Variants in RAB43 observed in about 807,000 individuals in gnomAD.
RAB43 encodes RAB43, member RAS oncogene family.
In RAB43, 6 loss-of-function variants were observed where a neutral mutation model predicts 18.8. That is an observed-to-expected ratio of 0.32 (90% CI 0.17 to 0.63). The LOEUF is 0.63. Among genes scored for constraint, RAB43 ranks in the 30% least tolerant of loss-of-function variants. The pLI, the probability that RAB43 is intolerant of heterozygous loss-of-function variation, is 0.79. For missense variants in RAB43, 195 were observed against 289.1 expected, an observed-to-expected ratio of 0.67 and a Z score of 2.36; for synonymous variants, 103 against 124.1, an observed-to-expected ratio of 0.83 and a Z score of 1.13.
At chr3:129,115,680 G>A (rs1935478584) in intron 1 of RAB43, among the ~76,000 whole-genome samples, 1 of 152,002 alleles carries the variant, frequency 6.6e-6, no homozygotes, top group Non-Finnish European at 1.5e-5. Context: ...AATTAGCTGG[G>A]TGTGGTAGTG....
intron 1 of RAB43, among the ~76,000 whole-genome samples, chr3:129,118,647 G>A (rs151222270): frequency 2.5e-3 from 388 of 152,292 alleles, no homozygotes; most frequent in African/African-American, 9.1e-3. Flanking sequence ...GATGCTTGCT[G>A]GACAAGCATC....
rs1935946791 is a variant in RAB43 at position 129,121,700 on chromosome 3, C to T, written c.-211G>A. ...GGCTCCCGCCCCGGCCCGGCTCGGC[C>T]CCGCCCGGACCCGGTGCCCCGCGGG... On this transcript the variant is annotated 5_prime_UTR_variant, in exon 1 of 3. Coordinates refer to ENST00000315150, the MANE Select transcript of RAB43 (RefSeq NM_198490.3). 1 of 330,188 alleles carries T rather than the reference C, an allele frequency of 3.0e-6. No homozygotes were observed. Among genetic ancestry groups the T allele is most frequent in the East Asian group, 4.9e-5 (1 of 20,206 alleles). The allele number at this position is 330,188 out of a possible 1,614,324, so 20.5% of individuals were successfully genotyped here.
At chr3:129,114,992 T>TCTC (rs1935429242) in intron 1 of RAB43, among the ~76,000 whole-genome samples, 1 of 149,680 alleles carries the variant, frequency 6.7e-6, no homozygotes, top group Non-Finnish European at 1.5e-5. Flanking sequence ...CGCAATCCAC[T>TCTC]CTCTCTCATC....
intron 1 of RAB43, among the ~76,000 whole-genome samples, chr3:129,110,700 T>G (rs1935108947): frequency 6.6e-6 from 1 of 152,120 alleles, no homozygotes; most frequent in Admixed American, 6.5e-5. Flanking sequence ...TGGTGGGGAT[T>G]GAGAAGTGAG....
chr3:129,110,043 T>C (rs1266938948), intron 1 of RAB43, among the ~76,000 whole-genome samples: 2 of 151,924 alleles, frequency 1.3e-5, no homozygotes, highest in Non-Finnish European at 2.9e-5. Flanking sequence ...TTTTTTATTT[T>C]TTGCAGAGAC....
intron 1 of RAB43, among the ~76,000 whole-genome samples, chr3:129,104,640 CT>C (rs1934636700): frequency 6.6e-6 from 1 of 152,242 alleles, no homozygotes; most frequent in Non-Finnish European, 1.5e-5. Flanking sequence ...TCAGGCCCTT[CT>C]TTCACCTTGG....
intron 1 of RAB43, among the ~76,000 whole-genome samples, chr3:129,099,492 T>C (rs1322023715): frequency 6.6e-6 from 1 of 152,206 alleles, no homozygotes; most frequent in Non-Finnish European, 1.5e-5. Context: ...GTTCAAGTGA[T>C]TCTCCTGCCT....
intron 1 of RAB43, among the ~76,000 whole-genome samples, chr3:129,118,515 T>C (rs575812765): frequency 1.4e-3 from 206 of 152,094 alleles, no homozygotes; most frequent in Non-Finnish European, 2.3e-3. Context: ...TACCTTTCAG[T>C]ACCTCCAAGC....
intron 1 of RAB43, among the ~76,000 whole-genome samples, chr3:129,103,420 C>T (rs1236562390): frequency 6.6e-6 from 1 of 152,216 alleles, no homozygotes; most frequent in African/African-American, 2.4e-5. Context: ...CCTTAGGTGG[C>T]AACCCCAGGA....
intron 1 of RAB43, among the ~76,000 whole-genome samples, chr3:129,108,555 G>A (rs182090368): frequency 8.5e-4 from 129 of 152,272 alleles, no homozygotes; most frequent in Non-Finnish European, 1.5e-3. Flanking sequence ...GGTACCTAAG[G>A]AATCAATGAA....
At chr3:129,092,911 G>A (rs1249870246) in intron 2 of RAB43, among the ~76,000 whole-genome samples, 2 of 151,432 alleles carry the variant, frequency 1.3e-5, no homozygotes, top group African/African-American at 4.9e-5. Context: ...AGCCGAGATC[G>A]CGCCACTGCA....
upstream of RAB43, chr3:129,122,097 G>A (rs559016227): frequency 4.3e-4 from 56 of 130,322 alleles, 1 homozygote; most frequent in East Asian, 7.0e-3. Flanking sequence ...TCCGTCCCCA[G>A]CTCCGACCTC....
At chr3:129,115,546 G>A (rs186787394) in intron 1 of RAB43, among the ~76,000 whole-genome samples, 79 of 152,064 alleles carry the variant, frequency 5.2e-4, no homozygotes, top group African/African-American at 1.7e-3. Flanking sequence ...TAGGCCAGGC[G>A]CGGTGGCTCA....
chr3:129,112,358 T>C (rs1935229528), intron 1 of RAB43, among the ~76,000 whole-genome samples: 1 of 152,068 alleles, frequency 6.6e-6, no homozygotes, highest in Non-Finnish European at 1.5e-5. Context: ...AAATATCCAA[T>C]TTTTATACTC....
At chr3:129,111,668 G>A (rs941081978) in intron 1 of RAB43, among the ~76,000 whole-genome samples, 4 of 151,966 alleles carry the variant, frequency 2.6e-5, no homozygotes, top group Non-Finnish European at 4.4e-5. Context: ...AAACTGTAGC[G>A]TCAGAGTTTA....
rs1449894548 is a variant in RAB43 at position 129,107,577 on chromosome 3, T to TG, written c.205-12409dup. Among the ~76,000 whole-genome samples, 1 of 152,098 alleles carries TG rather than the reference T, an allele frequency of 6.6e-6. No homozygotes were observed. The highest frequency in any genetic ancestry group is 2.4e-5 in the African/African-American group (1 of 41,424). ...GAGCTCGCGGTGGGCACCGCTCAGC[T>TG]GGGGGGCCCATCAGGAAGGGTTTTC... is the stretch of plus-strand genomic sequence containing the variant. On this transcript the variant is annotated intron_variant, in intron 1 of 2. Transcript: ENST00000315150. The surrounding 1 kb of genome is among the most constrained non-coding windows in gnomAD (Gnocchi z 4.2).
In RAB43 at chr3:129,121,661, G is replaced by GCCCCA. The variant is rs1935943701; in HGVS notation, c.-177_-173dup. 1 of 443,436 alleles carries GCCCCA rather than the reference G, an allele frequency of 2.3e-6. No homozygotes were observed. The highest frequency in any genetic ancestry group is 2.2e-5 in the African/African-American group (1 of 45,026). The allele number at this position is 443,436 out of a possible 1,614,324, so 27.5% of individuals were successfully genotyped here. ...GACCGCCTGCCTCGGCCTCGGCCCC[G>GCCCCA]CCCCACCCCGGCTGGCTCCCGCCCC... is the stretch of plus-strand genomic sequence containing the variant. On this transcript the variant is annotated 5_prime_UTR_variant, in exon 1 of 3. Coordinates refer to ENST00000315150, the MANE Select transcript of RAB43 (RefSeq NM_198490.3).
At chr3:129,094,508 T>TC (rs1417233362) in intron 2 of RAB43, among the ~76,000 whole-genome samples, 2 of 93,086 alleles carry the variant, frequency 2.1e-5, no homozygotes, top group Admixed American at 1.1e-4. Context: ...TAACTTTCTT[T>TC]TTTTTTTTTT....
In RAB43 at chr3:129,095,815, C is replaced by T. The variant is rs1934012490; in HGVS notation, c.205-646G>A. On this transcript the variant is annotated intron_variant, in intron 1 of 2. Coordinates refer to ENST00000315150, the MANE Select transcript of RAB43 (RefSeq NM_198490.3). The surrounding 1 kb of genome is among the most constrained non-coding windows in gnomAD (Gnocchi z 4.2). ...TTAACACCTACTCTGCCCCATCTCC[C>T]ACCAGATGTGGGCTGTGGAGAAGAG... Among the ~76,000 whole-genome samples, 1 of 152,210 alleles carries T rather than the reference C, an allele frequency of 6.6e-6. No homozygotes were observed. The highest frequency in any genetic ancestry group is 1.5e-5 in the Non-Finnish European group (1 of 68,022).
Sources: allele counts gnomAD v4.1 joint callset (sites outside exome capture counted in the v4.1 genomes callset), GRCh38; gene constraint gnomAD v4.1.1; non-coding constraint Gnocchi (gnomAD v3.1); transcripts MANE v1.5; gene names NCBI Gene and HGNC (gene_info 2026-07-23, HGNC 2026-07-21).